The following UNC5D variants were observed in gnomAD, a reference collection of about 807,000 sequenced individuals.
The protein encoded by UNC5D is unc-5 netrin receptor D.
In UNC5D, 39 loss-of-function variants were observed where a neutral mutation model predicts 105.4. The observed-to-expected ratio is 0.37, with a 90% CI of 0.29 to 0.48. The LOEUF is 0.48. Among genes scored for constraint, UNC5D ranks in the 20% least tolerant of loss-of-function variants. UNC5D has a pLI of 0.98. For synonymous variants in UNC5D, 452 were observed against 450.4 expected (o/e 1.00, Z -0.04); for missense variants, 991 against 1,202.4 (o/e 0.82, Z 2.60).
At chr8:35,617,624 G>A (rs1421246742) in intron 4 of UNC5D, among the ~76,000 whole-genome samples, 1 of 152,156 alleles carries the variant, frequency 6.6e-6, no homozygotes, top group African/African-American at 2.4e-5. Flanking sequence ...GAAACTCCCA[G>A]AGCTTTGATT....
chr8:35,364,232 C>G (rs1801994056), intron 1 of UNC5D, among the ~76,000 whole-genome samples: 1 of 147,524 alleles, frequency 6.8e-6, no homozygotes, highest in African/African-American at 2.5e-5. Context: ...ACTTGGTACT[C>G]TATGGTAAAG....
intron 1 of UNC5D, among the ~76,000 whole-genome samples, chr8:35,261,038 C>A (rs892181774): frequency 6.6e-6 from 1 of 152,148 alleles, no homozygotes; most frequent in Non-Finnish European, 1.5e-5. Context: ...TCTTAAGCAG[C>A]CTTCACTGCT....
intron 1 of UNC5D, chr8:35,525,489 C>A (rs373836784): frequency 1.2e-6 from 2 of 1,612,172 alleles, no homozygotes; most frequent in African/African-American, 2.7e-5. Context: ...CTTCTCTGTC[C>A]GTGCTTTGCT....
In UNC5D at chr8:35,549,297, G is replaced by T; in HGVS notation, c.109G>T (p.Asp37Tyr). Reference sequence around the variant, plus strand: ...TGTCTTTTTTGATTTCACAGGAACTGACAATGGCGAAGCCCTTCCCGAATC... The same window carrying T: ...TGTCTTTTTTGATTTCACAGGAACTTACAATGGCGAAGCCCTTCCCGAATC... ...AAGTAAARGT[D>Y]NGEALPESIP... The change falls in exon 2 of 17, where the codon GAC becomes TAC. Residue 37 changes from aspartate to tyrosine, a missense_variant. Physicochemically the swap from Asp to Tyr is radical, Grantham distance 160 (BLOSUM62 -3). Transcript: ENST00000404895. 6.2e-7 allele frequency: 1 copy of T among 1,612,940 alleles called. No homozygotes were observed. The highest frequency in any genetic ancestry group is 8.5e-7 in the Non-Finnish European group (1 of 1,180,020).
At chr8:35,539,152 A>G (rs1008834006) in intron 1 of UNC5D, among the ~76,000 whole-genome samples, 1 of 152,182 alleles carries the variant, frequency 6.6e-6, no homozygotes, top group Admixed American at 6.5e-5. Flanking sequence ...TGTGTGTTCT[A>G]TGTATACAAA....
intron 1 of UNC5D, among the ~76,000 whole-genome samples, chr8:35,402,425 G>A (rs990985533): frequency 5.9e-5 from 9 of 151,858 alleles, no homozygotes; most frequent in East Asian, 3.9e-4. Context: ...TACCACCACC[G>A]GAACAGTATG....
At chr8:35,264,069 A>ATAAACACTC (rs1804665895) in intron 1 of UNC5D, among the ~76,000 whole-genome samples, 1 of 152,222 alleles carries the variant, frequency 6.6e-6, no homozygotes, top group African/African-American at 2.4e-5. Flanking sequence ...TGTTTGGTCC[A>ATAAACACTC]GGCAAAAAAC....
chr8:35,320,252 T>A (rs1345921473), intron 1 of UNC5D, among the ~76,000 whole-genome samples: 1 of 152,068 alleles, frequency 6.6e-6, no homozygotes, highest in Non-Finnish European at 1.5e-5. Flanking sequence ...CAAAGATTTT[T>A]GGATGGGCAT....
chr8:35,265,575 A>G (rs775030577), intron 1 of UNC5D, among the ~76,000 whole-genome samples: 82 of 152,272 alleles, frequency 5.4e-4, no homozygotes, highest in Non-Finnish European at 2.6e-4. Flanking sequence ...AAATGCTTAT[A>G]AAAATAATAT....
At chr8:35,503,746 T>C in intron 1 of UNC5D, among the ~76,000 whole-genome samples, 1 of 152,178 alleles carries the variant, frequency 6.6e-6, no homozygotes, top group Admixed American at 6.5e-5. Context: ...TAATTCCCAC[T>C]CCTGGTGTTG....
chr8:35,316,526 G>A (rs1809319047), intron 1 of UNC5D, among the ~76,000 whole-genome samples: 1 of 152,114 alleles, frequency 6.6e-6, no homozygotes, highest in Non-Finnish European at 1.5e-5. Flanking sequence ...TGCAAGGTGT[G>A]AACATATATT....
intron 1 of UNC5D, among the ~76,000 whole-genome samples, chr8:35,382,851 A>T (rs1417122962): frequency 6.6e-6 from 1 of 152,286 alleles, no homozygotes; most frequent in African/African-American, 2.4e-5. Flanking sequence ...TCACTTTTAC[A>T]TCCTTGGTCA....
At chr8:35,353,939 A>G (rs1919346) in intron 1 of UNC5D, among the ~76,000 whole-genome samples, 80,226 of 151,594 alleles carry the variant, frequency 0.53, 21,928 homozygotes, top group East Asian at 0.7. Context: ...GAGACGTTGT[A>G]GAGAGGTTGA....
intron 1 of UNC5D, among the ~76,000 whole-genome samples, chr8:35,448,962 G>A (rs1439624463): frequency 6.6e-6 from 1 of 152,052 alleles, no homozygotes; most frequent in African/African-American, 2.4e-5. Flanking sequence ...TTATCACTGA[G>A]TAGTATTCCG....
chr8:35,672,464 A>G (rs58472739), intron 4 of UNC5D, among the ~76,000 whole-genome samples: 212 of 152,326 alleles, frequency 1.4e-3, no homozygotes, highest in African/African-American at 5.0e-3. Flanking sequence ...AGCACTCTGG[A>G]TATCAAGCTT....
intron 1 of UNC5D, among the ~76,000 whole-genome samples, chr8:35,494,959 TC>T (rs1205226721): frequency 6.6e-6 from 1 of 152,154 alleles, no homozygotes; most frequent in Non-Finnish European, 1.5e-5. Context: ...GATTTTCTTC[TC>T]CACAGGGTGG....
chr8:35,257,372 G>A (rs905298723), intron 1 of UNC5D, among the ~76,000 whole-genome samples: 3 of 152,260 alleles, frequency 2.0e-5, no homozygotes, highest in African/African-American at 7.2e-5. Context: ...AAATAGCACA[G>A]AAATGATAGA....
chr8:35,380,198 GGAGAGAGAGA>G (rs35266582), intron 1 of UNC5D, among the ~76,000 whole-genome samples: 3 of 135,190 alleles, frequency 2.2e-5, no homozygotes, highest in African/African-American at 8.3e-5. Context: ...AGACCGAGAG[GGAGAGAGAGA>G]GAGAGAGAGA....
intron 1 of UNC5D, among the ~76,000 whole-genome samples, chr8:35,365,716 G>A (rs1346231968): frequency 1.3e-5 from 2 of 151,932 alleles, no homozygotes; most frequent in Non-Finnish European, 2.9e-5. Flanking sequence ...GGTACCAGGG[G>A]AAATGGGGAA....
Sources: allele counts gnomAD v4.1 joint callset (sites outside exome capture counted in the v4.1 genomes callset), GRCh38; gene constraint gnomAD v4.1.1; transcripts MANE v1.5; gene names NCBI Gene and HGNC (gene_info 2026-07-23, HGNC 2026-07-21).